BACH1: variants seen among roughly 807,000 people sequenced by gnomAD.
The protein encoded by BACH1 is transcription regulator protein BACH1.
A neutral mutation model predicts 52.9 loss-of-function variants in BACH1; 35 were observed. That is an observed-to-expected ratio of 0.66 (90% CI 0.51 to 0.88). The LOEUF (loss-of-function observed/expected upper bound fraction) is 0.88, where lower values mean the gene tolerates loss of function less well. BACH1 is among the 40% of genes least tolerant of loss of function. The pLI is 0.00. For missense variants in BACH1, 808 were observed against 872.6 expected, an observed-to-expected ratio of 0.93 and a Z score of 0.93; for synonymous variants, 321 against 319.6, an observed-to-expected ratio of 1.00 and a Z score of -0.05.
At chr21:29,355,065 G>A (rs2089225458) in intron 2 of BACH1, among the ~76,000 whole-genome samples, 1 of 152,232 alleles carries the variant, frequency 6.6e-6, no homozygotes, top group Non-Finnish European at 1.5e-5. Context: ...GGGGACCGGA[G>A]CGGGTTGCCC....
At chr21:29,361,723 T>C (rs1325595634) in intron 2 of BACH1, 1 of 152,208 alleles carries the variant, frequency 6.6e-6, no homozygotes, top group Non-Finnish European at 1.5e-5. Flanking sequence ...GGTCAGAGTA[T>C]TTATAACCCA....
intron 1 of BACH1, among the ~76,000 whole-genome samples, chr21:29,316,345 G>A (rs1309012301): frequency 6.6e-6 from 1 of 152,188 alleles, no homozygotes; most frequent in Non-Finnish European, 1.5e-5. Context: ...AAATTGAGGT[G>A]TAGGAAGCTT....
intron 4 of BACH1, among the ~76,000 whole-genome samples, chr21:29,330,905 A>C (rs2088973619): frequency 6.6e-6 from 1 of 151,774 alleles, no homozygotes; most frequent in South Asian, 2.1e-4. Flanking sequence ...GCATAACTAA[A>C]TAAAAAATAG....
chr21:29,342,334 C>T (rs939417087), intron 4 of BACH1, 65 bp from the exon 5 acceptor site: 150 of 1,448,398 alleles, frequency 1.0e-4, no homozygotes, highest in Middle Eastern at 3.9e-4. Context: ...ATTATTTGAT[C>T]GCCTTGGAAA....
chr21:29,326,005 A>T, intron 2 of BACH1, 54 bp from the exon 3 acceptor site: 1 of 1,492,278 alleles, frequency 6.7e-7, no homozygotes, highest in Non-Finnish European at 8.9e-7. Flanking sequence ...TTTTGTTTTT[A>T]TGTACTAGAC....
chr21:29,328,193 T>C (rs1039192347), intron 3 of BACH1, among the ~76,000 whole-genome samples: 1 of 152,228 alleles, frequency 6.6e-6, no homozygotes, highest in African/African-American at 2.4e-5. Flanking sequence ...CATTGATTTT[T>C]AAATTTTCCT....
chr21:29,329,755 T>C, intron 4 of BACH1, 62 bp downstream of exon 4: 1 of 1,267,468 alleles, frequency 7.9e-7, no homozygotes, highest in Non-Finnish European at 1.0e-6. Context: ...GTCAAGGAAA[T>C]AGTTTTTAAA....
intron 4 of BACH1, 147 bp downstream of exon 4, chr21:29,329,840 T>TAAA: frequency 1.6e-6 from 1 of 612,324 alleles, no homozygotes; most frequent in Non-Finnish European, 2.6e-6. Context: ...TTTACCATGA[T>TAAA]ATGCTGTGAT....
At position 29,336,547 on chromosome 21, in the gene BACH1, C is replaced by T. The variant is rs1251543958; in HGVS notation, c.1777-5852C>T. Reference sequence around the variant, plus strand: ...GCATCCTTTAGAATATGTTGATGACCTTCACTGTGATTACCATGATTACAA... The same window carrying T: ...GCATCCTTTAGAATATGTTGATGACTTTCACTGTGATTACCATGATTACAA... On this transcript the variant is annotated intron_variant, in intron 4 of 4. Transcript: ENST00000286800. 4.6e-5 allele frequency among the ~76,000 whole-genome samples: 7 copies of T among 152,282 alleles called. No individual in the cohort carries two copies. The South Asian group carries it at 1.2e-3, about 27-fold the overall frequency.
At chr21:29,358,808 AAG>A (rs1383660898) in intron 2 of BACH1, among the ~76,000 whole-genome samples, 3 of 131,628 alleles carry the variant, frequency 2.3e-5, no homozygotes, top group African/African-American at 7.7e-5. Context: ...GAAAGAAAGA[AAG>A]AAAGAAGAAA....
chr21:29,339,627 A>T (rs1415902178), intron 4 of BACH1, among the ~76,000 whole-genome samples: 1 of 138,520 alleles, frequency 7.2e-6, no homozygotes, highest in Admixed American at 8.3e-5. Context: ...TTAGATGCAA[A>T]GGTTTTTTTT....
intron 4 of BACH1, among the ~76,000 whole-genome samples, chr21:29,334,090 G>GTTATTTTTT (rs1198333838): frequency 2.7e-5 from 4 of 150,876 alleles, no homozygotes; most frequent in African/African-American, 4.9e-5. Context: ...GGTTTTTTTT[G>GTTATTTTTT]TTATTTTTTT....
intron 2 of BACH1, among the ~76,000 whole-genome samples, chr21:29,358,458 T>C (rs1170631220): frequency 6.6e-6 from 1 of 152,174 alleles, no homozygotes; most frequent in Non-Finnish European, 1.5e-5. Flanking sequence ...ATATAAAAAG[T>C]GGGCTGGGCG....
At chr21:29,313,005 G>T (rs1450687737) in intron 1 of BACH1, among the ~76,000 whole-genome samples, 1 of 152,160 alleles carries the variant, frequency 6.6e-6, no homozygotes, top group Non-Finnish European at 1.5e-5. Flanking sequence ...ATCAAGAAAT[G>T]CAAAGTAAAA....
rs1424036066 is a variant in BACH1 at position 29,344,635 on chromosome 21, TGTG to T, written c.*1803_*1805del. ...GTGCATCCCATACTGCAAAAGAATT[TGTG>T]TGTGTGTGTGTGTGTGTGTGTGTGT... On this transcript the variant is annotated 3_prime_UTR_variant, in exon 5 of 5. Coordinates refer to ENST00000286800, the MANE Select transcript of BACH1 (RefSeq NM_001186.4). 1 of 11,824 alleles carries T rather than the reference TGTG, an allele frequency of 8.5e-5. No individual in the cohort carries two copies. The highest frequency in any genetic ancestry group is 1.3e-4 in the Non-Finnish European group (1 of 7,998). The allele number at this position is 11,824 out of a possible 1,614,324, so 0.7% of individuals were successfully genotyped here. A position where few individuals can be genotyped will look rare whatever the true frequency, so the allele number is the denominator to read the frequency against.
At chr21:29,356,375 G>T (rs953743390) in intron 2 of BACH1, among the ~76,000 whole-genome samples, 1 of 152,300 alleles carries the variant, frequency 6.6e-6, no homozygotes, top group South Asian at 2.1e-4. Context: ...ACTTAGAATT[G>T]GTATAGATGG....
intron 4 of BACH1, among the ~76,000 whole-genome samples, chr21:29,330,705 T>A (rs1177690269): frequency 1.3e-5 from 2 of 152,174 alleles, no homozygotes; most frequent in East Asian, 3.8e-4. Context: ...TGTTGAAAGT[T>A]TAAAAGTTGG....
chr21:29,340,911 A>C (rs1212448789), intron 4 of BACH1, among the ~76,000 whole-genome samples: 1 of 152,088 alleles, frequency 6.6e-6, no homozygotes, highest in African/African-American at 2.4e-5. Context: ...GTACTGGCCA[A>C]ACATTGATTT....
intron 2 of BACH1, chr21:29,351,839 A>G (rs2089204025): frequency 8.3e-6 from 4 of 480,084 alleles, no homozygotes; most frequent in South Asian, 6.1e-5. Flanking sequence ...TAGTAAAAGC[A>G]CTTAATGGCC....
Sources: gnomAD v4.1 joint callset for allele counts (sites outside exome capture counted in the v4.1 genomes callset) on GRCh38, gnomAD v4.1.1 for gene constraint, MANE v1.5 for transcripts, NCBI Gene and HGNC (gene_info 2026-07-23, HGNC 2026-07-21) for gene names.